The following FGF11 variants were observed in gnomAD, a reference collection of about 807,000 sequenced individuals.
FGF11 encodes the protein fibroblast growth factor 11.
In FGF11, 25 loss-of-function variants were observed where a neutral mutation model predicts 25.1. That is an observed-to-expected ratio of 1.00 (90% CI 0.73 to 1.39). The LOEUF (loss-of-function observed/expected upper bound fraction) is 1.39, where lower values mean the gene tolerates loss of function less well. Among genes scored for constraint, FGF11 ranks in the 40% most tolerant of loss-of-function variants. The pLI, the probability that FGF11 is intolerant of heterozygous loss-of-function variation, is 0.00. For missense variants in FGF11, 320 were observed against 311.0 expected, an observed-to-expected ratio of 1.03 and a Z score of -0.22; for synonymous variants, 130 against 128.9, an observed-to-expected ratio of 1.01 and a Z score of -0.06.
rs1361205317 is a variant in FGF11 at position 7,440,455 on chromosome 17, G to A, written c.193+642G>A. 2 of 161,328 alleles carry A rather than the reference G, an allele frequency of 1.2e-5. No homozygotes were observed. The highest frequency in any genetic ancestry group is 2.6e-5 in the Non-Finnish European group (2 of 76,650). 10.0% of individuals were successfully genotyped at this position (161,328 alleles called of 1,614,324 possible). On this transcript the variant is annotated intron_variant, in intron 1 of 4. Transcript: ENST00000293829. The surrounding 1 kb of genome is among the most constrained non-coding windows in gnomAD (Gnocchi z 5.4). ...CGCCACTCCGAAATCGGGTCCCGTA[G>A]GCTCAGGGGACCCTACGCTGGCAGG...
chr17:7,444,929 A>G lies in FGF11; in HGVS notation c.*1783A>G, dbSNP rs1027913367. The G allele has an allele frequency of 3.2e-6, 2 of 621,552 alleles. No individual in the cohort carries two copies. 38.5% of individuals were successfully genotyped at this position (621,552 alleles called of 1,614,324 possible). On this transcript the variant is annotated 3_prime_UTR_variant, in exon 5 of 5. Coordinates refer to ENST00000293829, the MANE Select transcript of FGF11 (RefSeq NM_004112.4). ...GCTTTCTCAATTAAAGACGATTTAT[A>G]CAACTGAAGTGCTGTCTGTCATCTG...
chr17:7,440,928 A>G lies in FGF11; in HGVS notation c.194-543A>G. The G allele has an allele frequency of 1.0e-6, 1 of 992,248 alleles. No individual in the cohort carries two copies. The highest frequency in any genetic ancestry group is 1.2e-6 in the Non-Finnish European group (1 of 833,772). The allele number at this position is 992,248 out of a possible 1,614,324, so 61.5% of individuals were successfully genotyped here. ...GACTGACAGACAGACAGACAGACAGACAGATGGGTCAGTGTCAGACAGGCC... is the reference window on the plus strand; with the variant it reads ...GACTGACAGACAGACAGACAGACAGGCAGATGGGTCAGTGTCAGACAGGCC... On this transcript the variant is annotated intron_variant, in intron 1 of 4. Coordinates refer to ENST00000293829, the MANE Select transcript of FGF11 (RefSeq NM_004112.4). This position sits in a 1 kb window ranked among gnomAD's most constrained non-coding sequence, Gnocchi z 5.4.
In FGF11 at chr17:7,440,127, C is replaced by A; in HGVS notation, c.193+314C>A. On this transcript the variant is annotated intron_variant, in intron 1 of 4. Transcript: ENST00000293829. The surrounding 1 kb of genome is among the most constrained non-coding windows in gnomAD (Gnocchi z 5.4). The stretch of plus-strand genomic sequence containing the variant: ...CCCCCATCGTCCTCCGCCTACGTGC[C>A]GGTTCTCGCGATTCTTTCAATCTGG... The A allele has an allele frequency of 3.5e-6, 1 of 287,010 alleles. No individual in the cohort carries two copies. The highest frequency in any genetic ancestry group is 9.1e-4 in the Middle Eastern group (1 of 1,100). 17.8% of individuals were successfully genotyped at this position (287,010 alleles called of 1,614,324 possible). A position where few individuals can be genotyped will look rare whatever the true frequency, so the allele number is the denominator to read the frequency against.
At chr17:7,442,191 C>T (rs1908360914) in intron 3 of FGF11, 2 of 361,140 alleles carry the variant, frequency 5.5e-6, no homozygotes, top group African/African-American at 2.1e-5. Flanking sequence ...TAGAGTCATC[C>T]AGGATAGGGG....
At position 7,439,580 on chromosome 17, in the gene FGF11, C is replaced by A; in HGVS notation, c.-41C>A. 7.3e-7 allele frequency: 1 copy of A among 1,377,412 alleles called. No individual in the cohort carries two copies. The highest frequency in any genetic ancestry group is 9.3e-7 in the Non-Finnish European group (1 of 1,073,290). The allele number at this position is 1,377,412 out of a possible 1,614,324, so 85.3% of individuals were successfully genotyped here. A position where few individuals can be genotyped will look rare whatever the true frequency, so the allele number is the denominator to read the frequency against. On this transcript the variant is annotated 5_prime_UTR_variant, in exon 1 of 5. Coordinates refer to ENST00000293829, the MANE Select transcript of FGF11 (RefSeq NM_004112.4). The stretch of plus-strand genomic sequence containing the variant: ...TCCTCTGGGGGAGCCCAGCGCGCTC[C>A]GGGCGCCTGCCGGTTTGGGGGTGTC...
At chr17:7,442,132 C>T (rs1908358476) in intron 3 of FGF11, 2 of 434,364 alleles carry the variant, frequency 4.6e-6, no homozygotes, top group South Asian at 3.9e-5. Flanking sequence ...CTTTTAGGGC[C>T]CCTACTTCTT....
upstream of FGF11, chr17:7,438,617 C>T (rs1218514159): frequency 6.6e-6 from 1 of 152,554 alleles, no homozygotes; most frequent in Non-Finnish European, 1.5e-5. Flanking sequence ...AGCTGTGATC[C>T]GCTCTGACTT....
intron 2 of FGF11, 54 bp downstream of exon 2, chr17:7,441,635 T>C: frequency 6.2e-7 from 1 of 1,608,212 alleles, no homozygotes; most frequent in Admixed American, 1.7e-5. Flanking sequence ...GGACAGGAGA[T>C]GACAATCCTA....
chr17:7,441,995 T>C (rs1020302502), intron 3 of FGF11, 116 bp downstream of exon 3: 36 of 764,438 alleles, frequency 4.7e-5, no homozygotes, highest in Non-Finnish European at 7.0e-5. Context: ...GACTCCTCCC[T>C]CCAGCTTTGC....
In FGF11 at chr17:7,440,157, G is replaced by T. The variant is rs1597742234; in HGVS notation, c.193+344G>T. 1 of 225,166 alleles carries T rather than the reference G, an allele frequency of 4.4e-6. No homozygotes were observed. The highest frequency in any genetic ancestry group is 8.6e-5 in the East Asian group (1 of 11,658). 13.9% of individuals were successfully genotyped at this position (225,166 alleles called of 1,614,324 possible). On this transcript the variant is annotated intron_variant, in intron 1 of 4. Coordinates refer to ENST00000293829, the MANE Select transcript of FGF11 (RefSeq NM_004112.4). The surrounding 1 kb of genome is among the most constrained non-coding windows in gnomAD (Gnocchi z 5.4). ...CTCGCGATTCTTTCAATCTGGAGCG[G>T]AGGGGCCCGGGGGTTTCCAGATGCC...
Position 7,440,507 on chromosome 17 carries a change from A to T in FGF11, c.193+694A>T, listed in dbSNP as rs112474238. 11 of 243,530 alleles carry T rather than the reference A, an allele frequency of 4.5e-5. No homozygotes were observed. Among genetic ancestry groups the T allele is most frequent in the African/African-American group, 2.3e-4 (10 of 43,104 alleles). 15.1% of individuals were successfully genotyped at this position (243,530 alleles called of 1,614,324 possible). A position where few individuals can be genotyped will look rare whatever the true frequency, so the allele number is the denominator to read the frequency against. ...ACTCAGACACAGTTCACGGCTAGAG[A>T]TGGGCGCCGACTCGGGGGTCGTACC... On this transcript the variant is annotated intron_variant, in intron 1 of 4. Transcript: ENST00000293829. The surrounding 1 kb of genome is among the most constrained non-coding windows in gnomAD (Gnocchi z 5.4).
chr17:7,439,524 G>C lies in FGF11; in HGVS notation c.-97G>C. 9.6e-7 allele frequency: 1 copy of C among 1,037,650 alleles called. No individual in the cohort carries two copies. 64.3% of individuals were successfully genotyped at this position (1,037,650 alleles called of 1,614,324 possible). A position where few individuals can be genotyped will look rare whatever the true frequency, so the allele number is the denominator to read the frequency against. ...TGGGTGGGGCAGCGAGTCGGGGCCT[G>C]AGCGTCAAGAGCATGCCCTAGTGAG... On this transcript the variant is annotated 5_prime_UTR_variant, in exon 1 of 5. Transcript: ENST00000293829.
At chr17:7,442,026 C>T (rs1161364615) in intron 3 of FGF11, 147 bp downstream of exon 3, 1 of 610,886 alleles carries the variant, frequency 1.6e-6, no homozygotes, top group East Asian at 2.8e-5. Context: ...TCATCGCTGC[C>T]CATTCCAGAC....
At chr17:7,442,401 G>A (rs1908369208) in intron 3 of FGF11, 193 bp from the exon 4 acceptor site, 1 of 1,407,542 alleles carries the variant, frequency 7.1e-7, no homozygotes, top group African/African-American at 1.4e-5. Context: ...ACTGTGCTTG[G>A]CCCAGAGCCT....
Position 7,444,929 on chromosome 17 carries a change from ACAACTG to A in FGF11, c.*1784_*1789del. ...GCTTTCTCAATTAAAGACGATTTATACAACTGAAGTGCTGTCTGTCATCTGTCGGTG... is the reference window on the plus strand; with the variant it reads ...GCTTTCTCAATTAAAGACGATTTATAAAGTGCTGTCTGTCATCTGTCGGTG... On this transcript the variant is annotated 3_prime_UTR_variant, in exon 5 of 5. Transcript: ENST00000293829. 1.6e-6 allele frequency: 1 copy of A among 621,552 alleles called. No homozygotes were observed. Among genetic ancestry groups the A allele is most frequent in the Non-Finnish European group, 2.8e-6 (1 of 354,312 alleles). The allele number at this position is 621,552 out of a possible 1,614,324, so 38.5% of individuals were successfully genotyped here.
At position 7,441,453 on chromosome 17, in the gene FGF11, G is replaced by T; in HGVS notation, c.194-18G>T. The T allele has an allele frequency of 6.2e-7, 1 of 1,613,814 alleles. No individual in the cohort carries two copies. The highest frequency in any genetic ancestry group is 1.7e-5 in the Admixed American group (1 of 60,016). On this transcript the variant is annotated intron_variant, in intron 1 of 4. Coordinates refer to ENST00000293829, the MANE Select transcript of FGF11 (RefSeq NM_004112.4). ...GAACGGAGATGTCATTTTCAAAGAT[G>T]AATGTCTCTCTCTCCAGAGCCTCAG...
chr17:7,442,391 AC>A (rs1354819497), intron 3 of FGF11: 1 of 1,387,522 alleles, frequency 7.2e-7, no homozygotes, highest in Admixed American at 3.0e-5. Flanking sequence ...GGCATGAGCC[AC>A]TGTGCTTGGC....
Position 7,441,788 on chromosome 17 carries a change from T to G in FGF11, c.317T>G (p.Leu106Arg). Residue 106 changes from leucine to arginine, a missense_variant, in exon 3 of 5, where the codon CTG (leucine) becomes CGG (arginine). By Grantham distance (102) the Leu-to-Arg change is moderately radical. Transcript: ENST00000293829. Reference protein sequence around the residue: ...EDTSSFTHFNLIPVGLRVVTI... With the variant: ...EDTSSFTHFNRIPVGLRVVTI... ...TCTCCACCTGCAGCCCACTTCAACC[T>G]GATCCCTGTGGGCCTCCGTGTGGTC... 2 of 1,607,784 alleles carry G rather than the reference T, an allele frequency of 1.2e-6. No homozygotes were observed. The highest frequency in any genetic ancestry group is 1.7e-6 in the Non-Finnish European group (2 of 1,176,766).
intron 3 of FGF11, 167 bp from the exon 4 acceptor site, chr17:7,442,427 G>A: frequency 6.8e-7 from 1 of 1,460,422 alleles, no homozygotes; most frequent in South Asian, 1.4e-5. Flanking sequence ...TTAGCCCTCA[G>A]CCCTCTTCCT....
Sources: gnomAD v4.1 joint callset for allele counts on GRCh38, gnomAD v4.1.1 for gene constraint, Gnocchi (gnomAD v3.1) non-coding constraint, MANE v1.5 for transcripts, NCBI Gene and HGNC (gene_info 2026-07-23, HGNC 2026-07-21) for gene names.